ALDH1L1: variants seen among roughly 807,000 people sequenced by gnomAD.
ALDH1L1 encodes cytosolic 10-formyltetrahydrofolate dehydrogenase.
In ALDH1L1, 68 loss-of-function variants were observed where a neutral mutation model predicts 101.1. The observed-to-expected ratio is 0.67, with a 90% confidence interval of 0.55 to 0.82. The LOEUF (loss-of-function observed/expected upper bound fraction) is 0.82, where lower values mean the gene tolerates loss of function less well. Among genes scored for constraint, ALDH1L1 ranks in the 40% least tolerant of loss-of-function variants. The pLI is 0.00. For synonymous variants in ALDH1L1, 486 were observed against 470.8 expected (o/e 1.03, Z -0.42); for missense variants, 1,087 against 1,172.7 (o/e 0.93, Z 1.07).
chr3:126,121,662 C>A (rs968539844), intron 16 of ALDH1L1, among the ~76,000 whole-genome samples: 13 of 152,188 alleles, frequency 8.5e-5, no homozygotes, highest in African/African-American at 3.1e-4. Context: ...CTTCTAAGGG[C>A]ATACGACAAA....
At chr3:126,179,782 C>A (rs1368350281) in intron 1 of ALDH1L1, 1 of 152,230 alleles carries the variant, frequency 6.6e-6, no homozygotes, top group African/African-American at 2.4e-5. Context: ...TCTCTGTCTG[C>A]ACTTTGGGAA....
chr3:126,156,671 G>A (rs964562353), intron 4 of ALDH1L1: 7 of 152,274 alleles, frequency 4.6e-5, no homozygotes, highest in African/African-American at 1.7e-4. Flanking sequence ...CCAGGTGACT[G>A]AGCCGCCCTG....
chr3:126,150,183 T>A (rs1287130931), intron 8 of ALDH1L1, among the ~76,000 whole-genome samples: 2 of 151,922 alleles, frequency 1.3e-5, no homozygotes, highest in Non-Finnish European at 2.9e-5. Flanking sequence ...CCTAGAAGAG[T>A]CAGACTGAAC....
rs1945755354 is a variant in ALDH1L1, at chr3:126,103,673, A to G, written c.*118T>C. ...CGTCCAAGATGCAGACATGGTGTGCAGGCAGGAGGGCTTCCACTAGCCCCC... is the reference window on the plus strand; with the variant it reads ...CGTCCAAGATGCAGACATGGTGTGCGGGCAGGAGGGCTTCCACTAGCCCCC... On this transcript the variant is annotated 3_prime_UTR_variant, in exon 23 of 23. Coordinates refer to ENST00000393434, the MANE Select transcript of ALDH1L1 (RefSeq NM_012190.4). 9.5e-7 allele frequency: 1 copy of G among 1,056,612 alleles called. No individual in the cohort carries two copies. Among genetic ancestry groups the G allele is most frequent in the Non-Finnish European group, 1.4e-6 (1 of 711,778 alleles). The allele number at this position is 1,056,612 out of a possible 1,614,324, so 65.5% of individuals were successfully genotyped here.
chr3:126,113,872 C>A (rs1946157829), intron 18 of ALDH1L1, among the ~76,000 whole-genome samples: 1 of 152,226 alleles, frequency 6.6e-6, no homozygotes, highest in South Asian at 2.1e-4. Flanking sequence ...TTGCCACTAA[C>A]CTAAGCCCTT....
upstream of ALDH1L1, among the ~76,000 whole-genome samples, chr3:126,182,724 A>C (rs939625049): frequency 6.6e-6 from 1 of 152,180 alleles, no homozygotes; most frequent in Non-Finnish European, 1.5e-5. Flanking sequence ...TAGACACCCC[A>C]AAAAGATGTA....
intron 1 of ALDH1L1, among the ~76,000 whole-genome samples, chr3:126,187,276 T>G (rs754095142): frequency 6.7e-6 from 1 of 149,966 alleles, no homozygotes; most frequent in Non-Finnish European, 1.5e-5. Flanking sequence ...GAAGGGAAGA[T>G]GTCCAAAAGC....
intron 1 of ALDH1L1, among the ~76,000 whole-genome samples, chr3:126,178,380 C>CAA (rs56979863): frequency 9.5e-5 from 7 of 73,428 alleles, no homozygotes; most frequent in East Asian, 7.6e-4. Context: ...GACCCTGTCT[C>CAA]AAAAAAAAAA....
chr3:126,114,919 C>A, intron 17 of ALDH1L1: 1 of 544,218 alleles, frequency 1.8e-6, no homozygotes, highest in Non-Finnish European at 3.5e-6. Context: ...TCATTTCCTG[C>A]AGGCCTGTGT....
intron 19 of ALDH1L1, among the ~76,000 whole-genome samples, chr3:126,111,926 C>T (rs773325654): frequency 1.4e-4 from 22 of 152,290 alleles, no homozygotes; most frequent in African/African-American, 4.6e-4. Context: ...AGGCCTGGCT[C>T]GTGTCAACCC....
chr3:126,125,492 T>G, intron 15 of ALDH1L1, 124 bp downstream of exon 15: 1 of 674,650 alleles, frequency 1.5e-6, no homozygotes, highest in Non-Finnish European at 2.2e-6. Context: ...GCAGCTGGCA[T>G]TAGCAGGACC....
rs1334239775 is a variant in ALDH1L1, at chr3:126,115,261, G to A, written c.1983-605C>T. 46 of 359,748 alleles carry A rather than the reference G, an allele frequency of 1.3e-4. 1 individual carries two copies. The highest frequency in any genetic ancestry group is 7.2e-4 in the South Asian group (35 of 48,702). 22.3% of individuals were successfully genotyped at this position (359,748 alleles called of 1,614,324 possible). On this transcript the variant is annotated intron_variant, in intron 17 of 22. Coordinates refer to ENST00000393434, the MANE Select transcript of ALDH1L1 (RefSeq NM_012190.4). ...GGAGTCATGAACACATCACATCAGT[G>A]GGCAAGAAATGCACTGCAGGGATGC...
chr3:126,142,413 T>C (rs1329395487), intron 9 of ALDH1L1, among the ~76,000 whole-genome samples: 1 of 152,172 alleles, frequency 6.6e-6, no homozygotes, highest in Admixed American at 6.5e-5. Context: ...TACAGACCAA[T>C]ATCCCTTATG....
rs1161572631 is a variant in ALDH1L1 at position 126,110,159 on chromosome 3, G to A, written c.2182-50C>T. The A allele has an allele frequency of 2.5e-6, 4 of 1,604,474 alleles. No individual in the cohort carries two copies. The South Asian group carries it at 4.5e-5, about 18-fold the overall frequency. Reference sequence around the variant, plus strand: ...TGTGGCTTGTGCTGCCACAGTTTCTGACAATGATCCTCACCTGACTCAGCT... The same window carrying A: ...TGTGGCTTGTGCTGCCACAGTTTCTAACAATGATCCTCACCTGACTCAGCT... On this transcript the variant is annotated intron_variant, in intron 19 of 22. Coordinates refer to ENST00000393434, the MANE Select transcript of ALDH1L1 (RefSeq NM_012190.4).
chr3:126,133,316 T>C (rs1236365420), intron 12 of ALDH1L1, among the ~76,000 whole-genome samples: 1 of 152,170 alleles, frequency 6.6e-6, no homozygotes, highest in African/African-American at 2.4e-5. Flanking sequence ...TCCCACTGCA[T>C]CACTGTGTGT....
intron 8 of ALDH1L1, among the ~76,000 whole-genome samples, 189 bp from the exon 9 acceptor site, chr3:126,147,115 G>A (rs557171607): frequency 6.6e-6 from 1 of 152,182 alleles, no homozygotes; most frequent in Non-Finnish European, 1.5e-5. Flanking sequence ...TGGGAAAGAA[G>A]GAGCTGCCAC....
At chr3:126,161,798 A>G (rs2081059329) in intron 1 of ALDH1L1, among the ~76,000 whole-genome samples, 1 of 152,238 alleles carries the variant, frequency 6.6e-6, no homozygotes, top group South Asian at 2.1e-4. Flanking sequence ...GTGTAGCTCA[A>G]TGAATTTCAC....
rs137856721 is a variant in ALDH1L1 at position 126,179,118 on chromosome 3, GC to G, written c.-24+1357del. On this transcript the variant is annotated intron_variant, in intron 1 of 22. Coordinates refer to ENST00000393434, the MANE Select transcript of ALDH1L1 (RefSeq NM_012190.4). The stretch of plus-strand genomic sequence containing the variant: ...AGAAAGAGCAGGGGCCTGCAGTGAA[GC>G]CCATAGAGCCCCTTGTGGGCCGTAT... Among the ~76,000 whole-genome samples, 1,311 of 152,322 alleles carry G rather than the reference GC, an allele frequency of 8.6e-3. 20 individuals are homozygous for G. The highest frequency in any genetic ancestry group is 0.03 in the African/African-American group (1,238 of 41,578).
At chr3:126,118,460 A>C (rs924715794) in intron 16 of ALDH1L1, among the ~76,000 whole-genome samples, 2 of 152,124 alleles carry the variant, frequency 1.3e-5, no homozygotes, top group African/African-American at 4.8e-5. Context: ...ATGCGAGGAC[A>C]TAGAGGGTGG....
Sources: allele counts gnomAD v4.1 joint callset (sites outside exome capture counted in the v4.1 genomes callset), GRCh38; gene constraint gnomAD v4.1.1; transcripts MANE v1.5; gene names NCBI Gene and HGNC (gene_info 2026-07-23, HGNC 2026-07-21).